The following CACNA1E variants were observed in gnomAD, a reference collection of about 807,000 sequenced individuals.
CACNA1E encodes calcium voltage-gated channel subunit alpha1 E.
CACNA1E carries 40 observed loss-of-function variants against 259.2 expected under a neutral mutation model. The observed-to-expected ratio is 0.15, with a 90% CI of 0.12 to 0.20. The LOEUF (loss-of-function observed/expected upper bound fraction) is 0.20, where lower values mean the gene tolerates loss of function less well. Among genes scored for constraint, CACNA1E ranks in the 10% least tolerant of loss-of-function variants. The probability of loss-of-function intolerance (pLI) is 1.00; values close to 1 mark genes in which losing one functional copy is unlikely to be tolerated. For synonymous variants in CACNA1E, 1,104 were observed against 1,138.5 expected (o/e 0.97, Z 0.61); for missense variants, 1,874 against 3,040.1 (o/e 0.62, Z 9.02).
chr1:181,580,543 C>A, intron 5 of CACNA1E, 52 bp from the exon 6 acceptor site: 1 of 1,557,938 alleles, frequency 6.4e-7, no homozygotes, highest in Non-Finnish European at 8.8e-7. Flanking sequence ...TCATTTCCAG[C>A]TCATGCGAAA....
chr1:181,544,106 A>G (rs1394071894), intron 3 of CACNA1E, among the ~76,000 whole-genome samples: 5 of 152,252 alleles, frequency 3.3e-5, no homozygotes, highest in African/African-American at 1.2e-4. Flanking sequence ...GTGGCATGTC[A>G]GACAATGGAA....
intron 2 of CACNA1E, among the ~76,000 whole-genome samples, chr1:181,463,074 C>T (rs1193535949): frequency 1.3e-5 from 2 of 152,092 alleles, no homozygotes; most frequent in African/African-American, 2.4e-5. Flanking sequence ...CAGTAGTTCC[C>T]CCTTATCTGC....
At chr1:181,565,516 C>T (rs1049290897) in intron 3 of CACNA1E, among the ~76,000 whole-genome samples, 2 of 152,188 alleles carry the variant, frequency 1.3e-5, no homozygotes, top group Non-Finnish European at 2.9e-5. Flanking sequence ...AAGAGATCAA[C>T]CAAACTCTAT....
intron 34 of CACNA1E, 43 bp from the exon 35 acceptor site, chr1:181,766,500 GTGC>G: frequency 6.9e-7 from 1 of 1,442,524 alleles, no homozygotes; most frequent in Non-Finnish European, 9.7e-7. Flanking sequence ...TTGAGCTTGG[GTGC>G]TGCTTTTCTT....
At chr1:181,666,527 G>A (rs1024330553) in intron 7 of CACNA1E, among the ~76,000 whole-genome samples, 1 of 152,048 alleles carries the variant, frequency 6.6e-6, no homozygotes, top group African/African-American at 2.4e-5. Context: ...ATTGATAAAT[G>A]TAAACAATGT....
intron 7 of CACNA1E, among the ~76,000 whole-genome samples, chr1:181,689,765 A>G (rs538806609): frequency 1.3e-5 from 2 of 152,296 alleles, no homozygotes; most frequent in South Asian, 2.1e-4. Context: ...TCTTGGTCAT[A>G]TAAATGTCTT....
intron 17 of CACNA1E, 81 bp from the exon 18 acceptor site, chr1:181,725,984 C>A: frequency 1.1e-6 from 1 of 881,310 alleles, no homozygotes; most frequent in Non-Finnish European, 1.8e-6. Context: ...GTATTCAGAA[C>A]TCCTCCTTAG....
chr1:181,566,815 C>T (rs1649876707), intron 3 of CACNA1E, among the ~76,000 whole-genome samples: 2 of 152,094 alleles, frequency 1.3e-5, no homozygotes, highest in South Asian at 2.1e-4. Context: ...GAGAGGTTCA[C>T]CTATAGCAGT....
At chr1:181,787,934 A>G (rs1226679250) in intron 43 of CACNA1E, among the ~76,000 whole-genome samples, 1 of 152,246 alleles carries the variant, frequency 6.6e-6, no homozygotes, top group Non-Finnish European at 1.5e-5. Flanking sequence ...CATTATAAGC[A>G]GGATAAAGAA....
At chr1:181,619,564 C>A (rs1341179233) in intron 6 of CACNA1E, among the ~76,000 whole-genome samples, 2 of 152,108 alleles carry the variant, frequency 1.3e-5, no homozygotes, top group African/African-American at 2.4e-5. Flanking sequence ...GTCACCCTAG[C>A]TGCTTTGTTG....
intron 6 of CACNA1E, among the ~76,000 whole-genome samples, chr1:181,594,063 C>A (rs912424549): frequency 1.3e-5 from 2 of 152,078 alleles, no homozygotes; most frequent in African/African-American, 2.4e-5. Flanking sequence ...AAGTTAAGAA[C>A]ATCATTGCGA....
chr1:181,440,391 A>G (rs779458579), intron 2 of CACNA1E, among the ~76,000 whole-genome samples: 1 of 148,470 alleles, frequency 6.7e-6, no homozygotes, highest in Admixed American at 6.8e-5. Context: ...AAATCCACAG[A>G]TATGCTGCAT....
chr1:181,542,552 C>T (rs760667731), intron 3 of CACNA1E, among the ~76,000 whole-genome samples: 17 of 152,110 alleles, frequency 1.1e-4, no homozygotes, highest in East Asian at 3.9e-4. Flanking sequence ...TGAGTTCTCA[C>T]GAGATCTGAT....
chr1:181,528,328 T>G (rs1667518995), intron 3 of CACNA1E, among the ~76,000 whole-genome samples: 1 of 146,594 alleles, frequency 6.8e-6, no homozygotes, highest in African/African-American at 2.6e-5. Flanking sequence ...TTCTGAGGCC[T>G]CCCCAGCCAA....
At position 181,720,803 on chromosome 1, in the gene CACNA1E, C is replaced by T. The variant is rs1196627458; in HGVS notation, c.1904C>T (p.Thr635Ile). 1.9e-6 allele frequency: 3 copies of T among 1,608,678 alleles called. No homozygotes were observed. Among genetic ancestry groups the T allele is most frequent in the Non-Finnish European group, 2.6e-6 (3 of 1,175,766 alleles). ...TTCAGGTTTAACTTTAATGATGGGA[C>T]TCCTTCGGCAAATTTTGATACCTTC... is the stretch of plus-strand genomic sequence containing the variant. ...FGGRFNFNDGTPSANFDTFPA... is the reference protein window; with the variant it reads ...FGGRFNFNDGIPSANFDTFPA... The change falls in exon 15 of 48, where the codon ACT becomes ATT. Residue 635 changes from threonine to isoleucine, a missense_variant. Coordinates refer to ENST00000367573, the MANE Select transcript of CACNA1E (RefSeq NM_001205293.3).
chr1:181,341,621 T>C (rs1451454824), intron 1 of CACNA1E, among the ~76,000 whole-genome samples: 1 of 152,168 alleles, frequency 6.6e-6, no homozygotes, highest in Non-Finnish European at 1.5e-5. Context: ...AGACCAGCCC[T>C]GCATGGGCCC....
At chr1:181,745,512 A>G (rs1350980762) in intron 25 of CACNA1E, among the ~76,000 whole-genome samples, 3 of 152,020 alleles carry the variant, frequency 2.0e-5, no homozygotes, top group African/African-American at 7.2e-5. Flanking sequence ...AGCCTTCACA[A>G]CCATGGGAAG....
intron 1 of CACNA1E, among the ~76,000 whole-genome samples, chr1:181,407,032 G>A (rs549912884): frequency 2.3e-4 from 35 of 152,262 alleles, no homozygotes; most frequent in African/African-American, 8.2e-4. Context: ...ACCAGAATAC[G>A]GACTCTTTCA....
At chr1:181,432,003 C>T (rs1659747207) in intron 2 of CACNA1E, among the ~76,000 whole-genome samples, 1 of 152,122 alleles carries the variant, frequency 6.6e-6, no homozygotes, top group African/African-American at 2.4e-5. Context: ...AGTGTGGCTT[C>T]CTGCATCGCC....
Sources: gnomAD v4.1 joint callset for allele counts (sites outside exome capture counted in the v4.1 genomes callset) on GRCh38, gnomAD v4.1.1 for gene constraint, MANE v1.5 for transcripts, NCBI Gene and HGNC (gene_info 2026-07-23, HGNC 2026-07-21) for gene names.